DGKI: variants seen among roughly 807,000 people sequenced by gnomAD.
The protein encoded by DGKI is DAG kinase iota.
Under a neutral mutation model 147.5 loss-of-function variants are expected in DGKI, and 55 were observed. That is an observed-to-expected ratio of 0.37 (90% CI 0.30 to 0.47). DGKI has a LOEUF of 0.47. Ranked by LOEUF, DGKI falls within the 20% of genes least tolerant of loss-of-function variation. DGKI has a pLI of 1.00. For missense variants in DGKI, 1,007 were observed against 1,323.8 expected (o/e 0.76, Z 3.71); for synonymous variants, 469 against 477.1 (o/e 0.98, Z 0.22).
intron 21 of DGKI, among the ~76,000 whole-genome samples, chr7:137,511,095 C>T (rs2128947690): frequency 6.6e-6 from 1 of 152,340 alleles, no homozygotes; most frequent in South Asian, 2.1e-4. Flanking sequence ...AATTGTGGTT[C>T]TGAGTCAATC....
At position 137,514,099 on chromosome 7, in the gene DGKI, C is replaced by T. The variant is rs188199160; in HGVS notation, c.2248+7767G>A. 1.6e-4 allele frequency among the ~76,000 whole-genome samples: 24 copies of T among 152,238 alleles called. No homozygotes were observed. In the East Asian group the frequency reaches 4.2e-3, roughly 27 times the overall value. The stretch of plus-strand genomic sequence containing the variant: ...CTGATCGCCGATCACCTCTGAGACC[C>T]ACCTTGCTCATGAACAAAATGCCCA... On this transcript the variant is annotated intron_variant, in intron 21 of 32. Transcript: ENST00000614521.
chr7:137,465,430 A>T (rs2128926330), intron 26 of DGKI, among the ~76,000 whole-genome samples: 1 of 152,348 alleles, frequency 6.6e-6, no homozygotes, highest in Non-Finnish European at 1.5e-5. Context: ...AGCACTTAAG[A>T]TGATTAAGTC....
chr7:137,450,441 G>A (rs1369141928), intron 27 of DGKI, among the ~76,000 whole-genome samples: 1 of 152,148 alleles, frequency 6.6e-6, no homozygotes, highest in African/African-American at 2.4e-5. Flanking sequence ...AATAATAGCT[G>A]GGCATGGTGG....
At chr7:137,845,648 C>T (rs1168587260) in intron 1 of DGKI, among the ~76,000 whole-genome samples, 1 of 152,100 alleles carries the variant, frequency 6.6e-6, no homozygotes, top group Non-Finnish European at 1.5e-5. Flanking sequence ...CCTAATTCCT[C>T]GTTGTTGGAT....
intron 28 of DGKI, among the ~76,000 whole-genome samples, chr7:137,438,985 A>G (rs930366306): frequency 1.3e-4 from 20 of 152,272 alleles, no homozygotes; most frequent in Admixed American, 7.2e-4. Flanking sequence ...AAGAAGAAAC[A>G]AGGACATGAT....
At chr7:137,762,245 A>G (rs1795879607) in intron 1 of DGKI, among the ~76,000 whole-genome samples, 1 of 152,198 alleles carries the variant, frequency 6.6e-6, no homozygotes, top group Non-Finnish European at 1.5e-5. Flanking sequence ...TTCTTAATAG[A>G]TTCCTGGGAA....
At chr7:137,605,232 T>C (rs706573) in intron 10 of DGKI, among the ~76,000 whole-genome samples, 12,921 of 151,500 alleles carry the variant, frequency 0.085, 1,829 homozygotes, top group African/African-American at 0.29. Flanking sequence ...TGCTTGAACC[T>C]GGGAGGTGGA....
intron 19 of DGKI, among the ~76,000 whole-genome samples, chr7:137,560,939 A>G (rs1027862690): frequency 1.3e-5 from 2 of 152,194 alleles, no homozygotes; most frequent in African/African-American, 2.4e-5. Flanking sequence ...TCTCAGCAGC[A>G]ATAAGAAAGT....
intron 28 of DGKI, 22 bp from the exon 29 acceptor site, chr7:137,412,229 T>G (rs1343972759): frequency 6.2e-7 from 1 of 1,609,814 alleles, no homozygotes; most frequent in Non-Finnish European, 8.5e-7. Flanking sequence ...AAAAGAGAGA[T>G]GTCCCATTAG....
chr7:137,732,512 C>T (rs904969612), intron 1 of DGKI, among the ~76,000 whole-genome samples: 7 of 152,060 alleles, frequency 4.6e-5, no homozygotes, highest in African/African-American at 9.7e-5. Context: ...CCTAAACCAT[C>T]GACCCCTTTC....
chr7:137,541,041 A>G (rs1817683596), intron 20 of DGKI, among the ~76,000 whole-genome samples: 1 of 152,200 alleles, frequency 6.6e-6, no homozygotes, highest in African/African-American at 2.4e-5. Flanking sequence ...GCTGATTCTA[A>G]AAATGTGTAT....
chr7:137,636,539 A>C (rs73461053), intron 6 of DGKI, among the ~76,000 whole-genome samples: 1 of 152,188 alleles, frequency 6.6e-6, no homozygotes, highest in South Asian at 2.1e-4. Flanking sequence ...GGCCTGAGCC[A>C]CTCATCTCAT....
At chr7:137,472,266 ATATATACATATAATAT>A (rs1814958446) in intron 23 of DGKI, among the ~76,000 whole-genome samples, 1 of 90,392 alleles carries the variant, frequency 1.1e-5, no homozygotes, top group African/African-American at 4.7e-5. Flanking sequence ...TATTATATGT[ATATATACATATAATAT>A]TATATGTATG....
At chr7:137,736,944 A>T (rs1191172086) in intron 1 of DGKI, among the ~76,000 whole-genome samples, 2 of 152,078 alleles carry the variant, frequency 1.3e-5, no homozygotes, top group Non-Finnish European at 2.9e-5. Context: ...GGCTTTAAAT[A>T]ATAATCTTTG....
rs576725436 is a variant in DGKI, at chr7:137,560,241, TA to T, written c.1948-7674del. Among the ~76,000 whole-genome samples, 552 of 152,018 alleles carry T rather than the reference TA, an allele frequency of 3.6e-3. 2 individuals are homozygous for T. The highest frequency in any genetic ancestry group is 9.7e-3 in the African/African-American group (404 of 41,482). ...GCAGAAAAAAAGAGGCCAGTGAAGA[TA>T]AAAACAGATGAATAGAAATTACCGT... On this transcript the variant is annotated intron_variant, in intron 19 of 32. Coordinates refer to ENST00000614521, the MANE Select transcript of DGKI (RefSeq NM_001321708.2).
At chr7:137,515,328 G>T (rs1816712766) in intron 21 of DGKI, among the ~76,000 whole-genome samples, 1 of 152,122 alleles carries the variant, frequency 6.6e-6, no homozygotes, top group African/African-American at 2.4e-5. Context: ...TGGAACATAA[G>T]TTCCAGGGCA....
At chr7:137,612,451 A>G (rs1820397231) in intron 8 of DGKI, among the ~76,000 whole-genome samples, 2 of 152,104 alleles carry the variant, frequency 1.3e-5, no homozygotes, top group South Asian at 2.1e-4. Flanking sequence ...ATTTCACAGC[A>G]TACCTCAAAA....
At chr7:137,543,943 C>T (rs1817784611) in intron 20 of DGKI, among the ~76,000 whole-genome samples, 1 of 151,996 alleles carries the variant, frequency 6.6e-6, no homozygotes, top group Non-Finnish European at 1.5e-5. Flanking sequence ...AAATAATATC[C>T]TGATTTAATG....
chr7:137,701,065 T>C (rs1252866281), intron 1 of DGKI, among the ~76,000 whole-genome samples: 8 of 152,096 alleles, frequency 5.3e-5, no homozygotes, highest in East Asian at 1.9e-4. Flanking sequence ...CCTGCAGATA[T>C]ACTTGTTCTT....
Sources: gnomAD v4.1 joint callset for allele counts (sites outside exome capture counted in the v4.1 genomes callset) on GRCh38, gnomAD v4.1.1 for gene constraint, MANE v1.5 for transcripts, NCBI Gene and HGNC (gene_info 2026-07-23, HGNC 2026-07-21) for gene names.